The following NGEF variants were observed in gnomAD, a reference collection of about 807,000 sequenced individuals.
The protein encoded by NGEF is neuronal guanine nucleotide exchange factor, also known as ephexin-1.
In NGEF, 31 loss-of-function variants were observed where a neutral mutation model predicts 80.9. The ratio of observed to expected loss-of-function variants is 0.38; its 90% CI spans 0.29 to 0.52. The LOEUF is 0.52. Ranked by LOEUF, NGEF falls within the 20% of genes least tolerant of loss-of-function variation. The pLI, the probability that NGEF is intolerant of heterozygous loss-of-function variation, is 0.84. For missense variants in NGEF, 709 were observed against 926.2 expected (o/e 0.77, Z 3.04); for synonymous variants, 371 against 370.2 (o/e 1.00, Z -0.03).
chr2:232,952,221 T>G (rs1343348505), intron 3 of NGEF, among the ~76,000 whole-genome samples: 1 of 152,226 alleles, frequency 6.6e-6, no homozygotes, highest in Admixed American at 6.5e-5. Flanking sequence ...ACTGGGAATA[T>G]GGATATAAAT....
intron 14 of NGEF, 62 bp downstream of exon 14, chr2:232,881,084 C>T: frequency 3.0e-6 from 4 of 1,330,924 alleles, no homozygotes; most frequent in Admixed American, 1.7e-5. Context: ...TCTCCCCCTC[C>T]CCGTCATCCC....
chr2:232,945,511 G>A (rs1293782399), intron 3 of NGEF, among the ~76,000 whole-genome samples: 3 of 136,640 alleles, frequency 2.2e-5, no homozygotes, highest in African/African-American at 8.7e-5. Flanking sequence ...ACAGAGAAAG[G>A]AGAATGCTAT....
At chr2:232,943,562 C>T (rs1378732440) in intron 3 of NGEF, among the ~76,000 whole-genome samples, 4 of 56,878 alleles carry the variant, frequency 7.0e-5, no homozygotes, top group Non-Finnish European at 1.4e-4. Context: ...GTGGCGCGAT[C>T]TCGGCTCACT....
At chr2:232,954,911 C>G (rs891838907) in intron 3 of NGEF, among the ~76,000 whole-genome samples, 2 of 152,206 alleles carry the variant, frequency 1.3e-5, no homozygotes, top group Admixed American at 6.5e-5. Context: ...GGTGAGGACA[C>G]TTTCCAACCA....
chr2:233,000,334 C>CGATCCTCCTGCTTTGGCCTCCCAAAGTGT (rs1559243318), intron 1 of NGEF, among the ~76,000 whole-genome samples: 5 of 152,220 alleles, frequency 3.3e-5, no homozygotes, highest in Middle Eastern at 3.4e-3. Context: ...TGGGCTCAAG[C>CGATCCTCCTGCTTTGGCCTCCCAAAGTGT]GATCCTCCTG....
intron 3 of NGEF, among the ~76,000 whole-genome samples, chr2:232,938,682 G>A (rs931428237): frequency 3.6e-5 from 5 of 140,288 alleles, no homozygotes; most frequent in African/African-American, 1.1e-4. Context: ...CACTTGGAAA[G>A]ATCCTTGAGC....
At chr2:232,897,199 C>T (rs974051991) in intron 5 of NGEF, among the ~76,000 whole-genome samples, 6 of 151,696 alleles carry the variant, frequency 4.0e-5, no homozygotes, top group African/African-American at 9.7e-5. Context: ...CTTTTAGGGC[C>T]GCCCTCCGGT....
At chr2:233,009,739 A>G (rs897884923) in intron 1 of NGEF, among the ~76,000 whole-genome samples, 2 of 152,174 alleles carry the variant, frequency 1.3e-5, no homozygotes, top group African/African-American at 4.8e-5. Flanking sequence ...AGTGAAGGCA[A>G]CTGAGGCACA....
At chr2:232,967,807 C>G (rs1019892926) in intron 3 of NGEF, among the ~76,000 whole-genome samples, 1 of 151,956 alleles carries the variant, frequency 6.6e-6, no homozygotes, top group African/African-American at 2.4e-5. Context: ...GGATTCTGCT[C>G]TGTTGCCTGG....
rs187460156 is a variant in NGEF, at chr2:232,985,810, G to A, written c.-74-10846C>T. On this transcript the variant is annotated intron_variant, in intron 1 of 14. Transcript: ENST00000264051. ...AAAAATTAGCCAGGTGTGGTGGCGG[G>A]CACCTGTAATTCCAGCTACTTGGGA... 1.6e-4 allele frequency among the ~76,000 whole-genome samples: 24 copies of A among 150,344 alleles called. 1 individual carries two copies. In the East Asian group the frequency reaches 4.8e-3, roughly 30 times the overall value.
At chr2:232,881,651 C>T (rs1257412988) in intron 13 of NGEF, among the ~76,000 whole-genome samples, 2 of 152,160 alleles carry the variant, frequency 1.3e-5, no homozygotes, top group African/African-American at 4.8e-5. Context: ...AGTGCAATCT[C>T]AGCTCACTGC....
intron 1 of NGEF, among the ~76,000 whole-genome samples, chr2:233,004,993 T>C (rs1210137641): frequency 1.3e-5 from 2 of 152,082 alleles, no homozygotes; most frequent in Non-Finnish European, 2.9e-5. Context: ...TTCTTCCTAG[T>C]GTGAATGGCA....
At chr2:232,885,668 C>T (rs565692360) in intron 9 of NGEF, 20 of 364,702 alleles carry the variant, frequency 5.5e-5, no homozygotes, top group African/African-American at 1.5e-4. Context: ...GTAGGCTGGA[C>T]GGACCGGCAG....
At chr2:232,949,038 A>C (rs1474878148) in intron 3 of NGEF, among the ~76,000 whole-genome samples, 1 of 135,392 alleles carries the variant, frequency 7.4e-6, no homozygotes, top group Non-Finnish European at 1.7e-5. Flanking sequence ...CCCAAAAAAA[A>C]CAAACAAAAA....
At chr2:232,889,715 C>T (rs950750911) in intron 8 of NGEF, among the ~76,000 whole-genome samples, 2 of 152,184 alleles carry the variant, frequency 1.3e-5, no homozygotes, top group African/African-American at 4.8e-5. Flanking sequence ...TTTGCCCTCA[C>T]GTTCGTATCT....
intron 5 of NGEF, among the ~76,000 whole-genome samples, chr2:232,917,486 C>G (rs1311996587): frequency 1.6e-5 from 2 of 121,528 alleles, no homozygotes; most frequent in South Asian, 4.7e-4. Context: ...TTTTTTTTTT[C>G]TGAGATGGAG....
At chr2:232,937,287 C>T (rs547058056) in intron 3 of NGEF, among the ~76,000 whole-genome samples, 4 of 152,274 alleles carry the variant, frequency 2.6e-5, no homozygotes, top group African/African-American at 4.8e-5. Context: ...ATTTAGAACA[C>T]AGTGACCACT....
intron 1 of NGEF, among the ~76,000 whole-genome samples, chr2:232,990,183 A>C (rs1694623443): frequency 1.3e-5 from 2 of 152,174 alleles, no homozygotes; most frequent in Admixed American, 6.6e-5. Flanking sequence ...TGAAACTCCC[A>C]GAATTACAAG....
intron 5 of NGEF, among the ~76,000 whole-genome samples, chr2:232,895,895 G>C (rs1692043765): frequency 6.6e-6 from 1 of 152,196 alleles, no homozygotes; most frequent in Admixed American, 6.5e-5. Context: ...ATTATCACCT[G>C]ATTGCTGAGC....
Sources: allele counts gnomAD v4.1 joint callset (sites outside exome capture counted in the v4.1 genomes callset), GRCh38; gene constraint gnomAD v4.1.1; transcripts MANE v1.5; gene names NCBI Gene and HGNC (gene_info 2026-07-23, HGNC 2026-07-21).